BTN3A2: variants seen among roughly 807,000 people sequenced by gnomAD.
The protein encoded by BTN3A2 is butyrophilin protein.
BTN3A2 carries 25 observed loss-of-function variants against 37.6 expected under a neutral mutation model. The observed-to-expected ratio is 0.66, with a 90% confidence interval of 0.48 to 0.93. BTN3A2 has a LOEUF of 0.93. Among genes scored for constraint, BTN3A2 ranks in the 40% least tolerant of loss-of-function variants. The pLI is 0.00. For missense variants in BTN3A2, 266 were observed against 410.9 expected, an observed-to-expected ratio of 0.65 and a Z score of 3.05; for synonymous variants, 122 against 159.4, an observed-to-expected ratio of 0.77 and a Z score of 1.77.
intron 3 of BTN3A2, 133 bp downstream of exon 3, chr6:26,368,400 C>A (rs1400000680): frequency 1.9e-6 from 3 of 1,543,044 alleles, no homozygotes; most frequent in Non-Finnish European, 2.7e-6. Flanking sequence ...GAAGTCCATC[C>A]CAACCTGAAG....
chr6:26,368,356 C>G, intron 3 of BTN3A2, 89 bp downstream of exon 3: 1 of 1,536,072 alleles, frequency 6.5e-7, no homozygotes, highest in South Asian at 1.1e-5. Flanking sequence ...TACCTAAATG[C>G]CCTCTTAGAA....
intron 4 of BTN3A2, among the ~76,000 whole-genome samples, chr6:26,369,432 G>A (rs576352957): frequency 2.3e-4 from 35 of 152,354 alleles, no homozygotes; most frequent in African/African-American, 8.2e-4. Flanking sequence ...GTCTCAGTAA[G>A]AAGGTGTTAG....
intron 1 of BTN3A2, 83 bp downstream of exon 1, chr6:26,365,435 T>G (rs1000799251): frequency 1.3e-5 from 19 of 1,467,056 alleles, no homozygotes; most frequent in Non-Finnish European, 1.7e-5. Context: ...TGAGTGGGCA[T>G]GCAGGGAGAG....
rs1368594538 is a variant in BTN3A2 at position 26,378,282 on chromosome 6, A to G, written c.*2520A>G. ...ACTGGGCAAGTGCTTGTCAAGTTCT[A>G]GTTGTTCAATAAATTTGTTAATAAT... is the stretch of plus-strand genomic sequence containing the variant. On this transcript the variant is annotated 3_prime_UTR_variant, in exon 11 of 11. Transcript: ENST00000377708. 2 of 152,100 alleles carry G rather than the reference A, an allele frequency of 1.3e-5. No homozygotes were observed. Among genetic ancestry groups the G allele is most frequent in the Non-Finnish European group, 2.9e-5 (2 of 68,040 alleles). 9.4% of individuals were successfully genotyped at this position (152,100 alleles called of 1,614,324 possible).
chr6:26,365,421 G>A (rs1201058848), intron 1 of BTN3A2, 69 bp downstream of exon 1: 2 of 1,514,894 alleles, frequency 1.3e-6, no homozygotes, highest in African/African-American at 2.8e-5. Context: ...ATCGCTGAGA[G>A]TGGTGAGTGG....
rs530923674 is a variant in BTN3A2, at chr6:26,376,396, T to A, written c.*634T>A. The A allele has an allele frequency of 2.8e-5, 12 of 432,608 alleles. No homozygotes were observed. Among genetic ancestry groups the A allele is most frequent in the African/African-American group, 1.8e-4 (9 of 49,472 alleles). 26.8% of individuals were successfully genotyped at this position (432,608 alleles called of 1,614,324 possible). A position where few individuals can be genotyped will look rare whatever the true frequency, so the allele number is the denominator to read the frequency against. ...GACCTTACTTTCATTTCCCCTCTGG[T>A]CACTAGACCCCTGGGGCTTTCACCA... is the stretch of plus-strand genomic sequence containing the variant. On this transcript the variant is annotated 3_prime_UTR_variant, in exon 11 of 11. Transcript: ENST00000377708.
In BTN3A2 at chr6:26,365,262, G is replaced by A; in HGVS notation, c.-157G>A. 2.0e-6 allele frequency: 3 copies of A among 1,496,098 alleles called. No individual in the cohort carries two copies. Among genetic ancestry groups the A allele is most frequent in the Non-Finnish European group, 2.7e-6 (3 of 1,111,390 alleles). The allele number at this position is 1,496,098 out of a possible 1,614,324, so 92.7% of individuals were successfully genotyped here. ...TTTCTCTTTTTCCTTTCTTCCGGATGAGAGGCTAAGCCATAATAGAAAGAA... is the reference window on the plus strand; with the variant it reads ...TTTCTCTTTTTCCTTTCTTCCGGATAAGAGGCTAAGCCATAATAGAAAGAA... On this transcript the variant is annotated 5_prime_UTR_variant, in exon 1 of 11. The change abolishes an upstream ATG in the 5' untranslated region. Transcript: ENST00000377708.
In BTN3A2 at chr6:26,365,231, A is replaced by T; in HGVS notation, c.-188A>T. On this transcript the variant is annotated 5_prime_UTR_variant, in exon 1 of 11. Transcript: ENST00000377708. ...CTGTTTCTCATGGTGAGAAGACAAT[A>T]TTTGCTTTCTCTTTTTCCTTTCTTC... is the stretch of plus-strand genomic sequence containing the variant. The T allele has an allele frequency of 7.3e-7, 1 of 1,371,902 alleles. No homozygotes were observed. The highest frequency in any genetic ancestry group is 1.0e-6 in the Non-Finnish European group (1 of 1,001,650). 85.0% of individuals were successfully genotyped at this position (1,371,902 alleles called of 1,614,324 possible).
At position 26,374,201 on chromosome 6, in the gene BTN3A2, TAAAAAAAAAAAAAAAA is replaced by T. The variant is rs34655395; in HGVS notation, c.965-102_965-87del. ...GAGACCATGGGGAAGGGTGGGATGG[TAAAAAAAAAAAAAAAA>T]AAAAAAAAAAAAAAAAAAAAAAAGA... On this transcript the variant is annotated intron_variant, in intron 8 of 10. Coordinates refer to ENST00000377708, the MANE Select transcript of BTN3A2 (RefSeq NM_007047.5). 395 of 246,694 alleles carry T rather than the reference TAAAAAAAAAAAAAAAA, an allele frequency of 1.6e-3. 2 individuals carry two copies. The highest frequency in any genetic ancestry group is 2.9e-3 in the African/African-American group (37 of 12,622). 15.3% of individuals were successfully genotyped at this position (246,694 alleles called of 1,614,324 possible).
Position 26,377,184 on chromosome 6 carries a change from G to A in BTN3A2, c.*1422G>A, listed in dbSNP as rs560254689. ...GACCCCAGGCTTAGCTAATGAAAGT[G>A]GGGAGCCTCAGGCTGAAGTAACATC... is the stretch of plus-strand genomic sequence containing the variant. On this transcript the variant is annotated 3_prime_UTR_variant, in exon 11 of 11. Coordinates refer to ENST00000377708, the MANE Select transcript of BTN3A2 (RefSeq NM_007047.5). The A allele has an allele frequency of 4.9e-5, 61 of 1,233,768 alleles. No individual in the cohort carries two copies. Among genetic ancestry groups the A allele is most frequent in the Middle Eastern group, 1.9e-4 (1 of 5,232 alleles). 76.4% of individuals were successfully genotyped at this position (1,233,768 alleles called of 1,614,324 possible).
chr6:26,374,201 T>TAAAAAAAAAAAAAAAA lies in BTN3A2; in HGVS notation c.965-102_965-87dup, dbSNP rs34655395. On this transcript the variant is annotated intron_variant, in intron 8 of 10. Coordinates refer to ENST00000377708, the MANE Select transcript of BTN3A2 (RefSeq NM_007047.5). ...GAGACCATGGGGAAGGGTGGGATGG[T>TAAAAAAAAAAAAAAAA]AAAAAAAAAAAAAAAAAAAAAAAAA... is the stretch of plus-strand genomic sequence containing the variant. 1.2e-5 allele frequency: 3 copies of TAAAAAAAAAAAAAAAA among 240,888 alleles called. No homozygotes were observed. In the African/African-American group the frequency reaches 2.4e-4, roughly 19 times the overall value. 14.9% of individuals were successfully genotyped at this position (240,888 alleles called of 1,614,324 possible).
chr6:26,377,183 T>G lies in BTN3A2; in HGVS notation c.*1421T>G, dbSNP rs1760763377. On this transcript the variant is annotated 3_prime_UTR_variant, in exon 11 of 11. Coordinates refer to ENST00000377708, the MANE Select transcript of BTN3A2 (RefSeq NM_007047.5). Reference sequence around the variant, plus strand: ...TGACCCCAGGCTTAGCTAATGAAAGTGGGGAGCCTCAGGCTGAAGTAACAT... The same window carrying G: ...TGACCCCAGGCTTAGCTAATGAAAGGGGGGAGCCTCAGGCTGAAGTAACAT... The G allele has an allele frequency of 3.2e-6, 4 of 1,234,788 alleles. No individual in the cohort carries two copies. The East Asian group carries it at 7.0e-5, about 22-fold the overall frequency. The allele number at this position is 1,234,788 out of a possible 1,614,324, so 76.5% of individuals were successfully genotyped here.
chr6:26,365,517 T>C (rs1375210158), intron 1 of BTN3A2, among the ~76,000 whole-genome samples, 165 bp downstream of exon 1: 2 of 137,570 alleles, frequency 1.5e-5, no homozygotes, highest in African/African-American at 5.3e-5. Context: ...TGTGTGTGTG[T>C]ACATGTGTAC....
In BTN3A2 at chr6:26,376,435, G is replaced by A. The variant is rs1156321348; in HGVS notation, c.*673G>A. 2.0e-5 allele frequency: 14 copies of A among 688,630 alleles called. No individual in the cohort carries two copies. Among genetic ancestry groups the A allele is most frequent in the Non-Finnish European group, 2.3e-5 (11 of 472,356 alleles). The allele number at this position is 688,630 out of a possible 1,614,324, so 42.7% of individuals were successfully genotyped here. A position where few individuals can be genotyped will look rare whatever the true frequency, so the allele number is the denominator to read the frequency against. ...GGGCTTTCACCAATGACATTGATGA[G>A]AGAATCACATTCAGGGCAGGCTAGG... On this transcript the variant is annotated 3_prime_UTR_variant, in exon 11 of 11. Coordinates refer to ENST00000377708, the MANE Select transcript of BTN3A2 (RefSeq NM_007047.5).
At chr6:26,373,469 A>G in intron 8 of BTN3A2, 56 bp downstream of exon 8, 1 of 1,567,284 alleles carries the variant, frequency 6.4e-7, no homozygotes, top group Non-Finnish European at 8.6e-7. Flanking sequence ...TCTCTGCTTC[A>G]TTATTTTCCA....
Position 26,373,418 on chromosome 6 carries a change from G to A in BTN3A2, c.964+5G>A. 6.3e-7 allele frequency: 1 copy of A among 1,599,934 alleles called. No homozygotes were observed. The highest frequency in any genetic ancestry group is 8.5e-7 in the Non-Finnish European group (1 of 1,176,212). ...AAAAAATCCAGTACTTGACTCGTGA[G>A]TGGCTTTGACATTTTCTCTGAATTC... On this transcript the variant is annotated splice_donor_5th_base_variant and intron_variant, in intron 8 of 10. Coordinates refer to ENST00000377708, the MANE Select transcript of BTN3A2 (RefSeq NM_007047.5).
chr6:26,377,188 A>C lies in BTN3A2; in HGVS notation c.*1426A>C. The C allele has an allele frequency of 8.2e-7, 1 of 1,214,486 alleles. No individual in the cohort carries two copies. The highest frequency in any genetic ancestry group is 1.5e-5 in the African/African-American group (1 of 67,608). 75.2% of individuals were successfully genotyped at this position (1,214,486 alleles called of 1,614,324 possible). The stretch of plus-strand genomic sequence containing the variant: ...CCAGGCTTAGCTAATGAAAGTGGGG[A>C]GCCTCAGGCTGAAGTAACATCTCTG... On this transcript the variant is annotated 3_prime_UTR_variant, in exon 11 of 11. Coordinates refer to ENST00000377708, the MANE Select transcript of BTN3A2 (RefSeq NM_007047.5).
In BTN3A2 at chr6:26,376,549, G is replaced by T; in HGVS notation, c.*787G>T. On this transcript the variant is annotated 3_prime_UTR_variant, in exon 11 of 11. Coordinates refer to ENST00000377708, the MANE Select transcript of BTN3A2 (RefSeq NM_007047.5). ...TCCAGGAAAAATGGCTGACCCCATGGACACCTCCTCAAACTCTCTGCAGCA... is the reference window on the plus strand; with the variant it reads ...TCCAGGAAAAATGGCTGACCCCATGTACACCTCCTCAAACTCTCTGCAGCA... The T allele has an allele frequency of 7.3e-7, 1 of 1,368,414 alleles. No homozygotes were observed. The highest frequency in any genetic ancestry group is 9.9e-7 in the Non-Finnish European group (1 of 1,005,532). The allele number at this position is 1,368,414 out of a possible 1,614,324, so 84.8% of individuals were successfully genotyped here. A position where few individuals can be genotyped will look rare whatever the true frequency, so the allele number is the denominator to read the frequency against.
rs1440911106 is a variant in BTN3A2 at position 26,370,487 on chromosome 6, G to T, written c.599G>T (p.Gly200Val). 6.2e-7 allele frequency: 1 copy of T among 1,614,206 alleles called. No individual in the cohort carries two copies. Among genetic ancestry groups the T allele is most frequent in the African/African-American group, 1.3e-5 (1 of 75,060 alleles). The change falls in exon 5 of 11, where the codon GGC (glycine) becomes GTC (valine). Residue 200 changes from glycine (G) to valine (V), a missense_variant. Around this residue, in one of 3 missense-constraint regions of BTN3A2, gnomAD observed 204 missense variants for 232.6 expected, o/e 0.88. Transcript: ENST00000377708. Reference sequence around the variant, plus strand: ...GCACCTGTGGTTGCAGATGGAGTGGGCCTATATGAAGTAGCAGCATCTGTG... The same window carrying T: ...GCACCTGTGGTTGCAGATGGAGTGGTCCTATATGAAGTAGCAGCATCTGTG... ...VEAPVVADGVGLYEVAASVIM... is the reference protein window; with the variant it reads ...VEAPVVADGVVLYEVAASVIM...
Sources: gnomAD v4.1 joint callset for allele counts (sites outside exome capture counted in the v4.1 genomes callset) on GRCh38, gnomAD v4.1.1 for gene constraint, gnomAD v4.1.1 regional missense constraint, MANE v1.5 for transcripts, NCBI Gene and HGNC (gene_info 2026-07-23, HGNC 2026-07-21) for gene names.